The following SHPRH variants were observed in gnomAD, a reference collection of about 807,000 sequenced individuals.
SHPRH encodes E3 ubiquitin-protein ligase SHPRH.
Under a neutral mutation model 202.5 loss-of-function variants are expected in SHPRH, and 106 were observed. That is an observed-to-expected ratio of 0.52 (90% CI 0.45 to 0.62). SHPRH has a LOEUF of 0.62. Among genes scored for constraint, SHPRH ranks in the 20% least tolerant of loss-of-function variants. The pLI, the probability that SHPRH is intolerant of heterozygous loss-of-function variation, is 0.00. For missense variants in SHPRH, 1,710 were observed against 2,020.0 expected, an observed-to-expected ratio of 0.85 and a Z score of 2.94; for synonymous variants, 729 against 686.0, an observed-to-expected ratio of 1.06 and a Z score of -0.98.
Position 145,950,688 on chromosome 6 carries a change from C to T in SHPRH, c.764-206G>A, listed in dbSNP as rs538028582. Reference sequence around the variant, plus strand: ...AAGAAAGTTTAACTGATACTTTTTCCATGGCATTTTCTTTTGTTTTCCCTG... The same window carrying T: ...AAGAAAGTTTAACTGATACTTTTTCTATGGCATTTTCTTTTGTTTTCCCTG... On this transcript the variant is annotated intron_variant, in intron 3 of 29. Coordinates refer to ENST00000275233, the MANE Select transcript of SHPRH (RefSeq NM_001042683.3). Among the ~76,000 whole-genome samples, 18 of 152,114 alleles carry T rather than the reference C, an allele frequency of 1.2e-4. No individual in the cohort carries two copies. In the South Asian group the frequency reaches 3.7e-3, roughly 32 times the overall value.
the SHPRH span, among the ~76,000 whole-genome samples, chr6:145,858,386 TA>T: frequency 3.3e-5 from 5 of 151,250 alleles, no homozygotes; most frequent in African/African-American, 1.2e-4. Flanking sequence ...ATATAATTTT[TA>T]AAAAAGATTT....
chr6:145,935,462 A>G (rs2128768682), intron 11 of SHPRH, 21 bp from the exon 12 acceptor site: 3 of 1,611,416 alleles, frequency 1.9e-6, no homozygotes, highest in Non-Finnish European at 2.5e-6. Context: ...AAAATAAAAT[A>G]CATTGAGGAT....
At chr6:145,899,385 C>T (rs1322809931) in intron 25 of SHPRH, among the ~76,000 whole-genome samples, 1 of 152,010 alleles carries the variant, frequency 6.6e-6, no homozygotes, top group East Asian at 1.9e-4. Context: ...GAAATAAACC[C>T]ACACATACAC....
chr6:145,878,160 G>A (rs2253648), intron 2 of SHPRH: 72,024 of 152,012 alleles, frequency 0.47, 17,537 homozygotes, highest in African/African-American at 0.57. Flanking sequence ...TATTTTCTAC[G>A]AAAGTTTTAG....
intron 25 of SHPRH, chr6:145,909,650 A>T (rs1783307791): frequency 6.6e-6 from 1 of 152,148 alleles, no homozygotes; most frequent in African/African-American, 2.4e-5. Context: ...TTAATAAAGA[A>T]TACTTCATCT....
At chr6:145,867,865 G>A (rs1779871455) in intron 2 of SHPRH, among the ~76,000 whole-genome samples, 1 of 151,686 alleles carries the variant, frequency 6.6e-6, no homozygotes, top group Non-Finnish European at 1.5e-5. Context: ...TCAGTTCATG[G>A]AAATTTGTTA....
chr6:145,946,939 T>C (rs189657552), intron 6 of SHPRH, among the ~76,000 whole-genome samples: 2 of 152,082 alleles, frequency 1.3e-5, no homozygotes, highest in East Asian at 3.9e-4. Flanking sequence ...TACTAGAAAA[T>C]ATGAGCTATA....
In SHPRH at chr6:145,886,660, A is replaced by T. The variant is rs1781037261; in HGVS notation, c.*31T>A. 1.2e-6 allele frequency: 2 copies of T among 1,606,508 alleles called. No homozygotes were observed. The highest frequency in any genetic ancestry group is 1.7e-5 in the Admixed American group (1 of 57,984). ...TACAGCTATGAAAGTTTATTAATAC[A>T]CTAAAGTCCATGGAATGAATCAAGT... On this transcript the variant is annotated 3_prime_UTR_variant, in exon 30 of 30. Coordinates refer to ENST00000275233, the MANE Select transcript of SHPRH (RefSeq NM_001042683.3).
At chr6:145,884,637 A>AT (rs1416133835), downstream of SHPRH, 9 of 152,176 alleles carry the variant, frequency 5.9e-5, no homozygotes, top group Non-Finnish European at 8.8e-5. Flanking sequence ...TGAGGATCAG[A>AT]TTTGTACTTG....
At chr6:145,908,001 G>A (rs776881334) in intron 25 of SHPRH, 11 of 152,098 alleles carry the variant, frequency 7.2e-5, no homozygotes, top group East Asian at 3.9e-4. Context: ...TCCCACTTAC[G>A]AGTGAGAACA....
Position 145,950,263 on chromosome 6 carries a change from C to T in SHPRH, c.982+1G>A. 1 of 1,611,406 alleles carries T rather than the reference C, an allele frequency of 6.2e-7. No homozygotes were observed. Among genetic ancestry groups the T allele is most frequent in the Non-Finnish European group, 8.5e-7 (1 of 1,178,168 alleles). On this transcript the variant is annotated splice_donor_variant, in intron 4 of 29. Transcript: ENST00000275233. LOFTEE classifies it high-confidence loss of function. ...ACTTTCTTTAAACATCTTATTCTTA[C>T]CAGTAGCAGGACTGCTTCTGAAACA...
chr6:145,876,044 G>T (rs748129308), intron 2 of SHPRH, among the ~76,000 whole-genome samples: 14 of 152,198 alleles, frequency 9.2e-5, no homozygotes, highest in Non-Finnish European at 1.6e-4. Context: ...GCCATTTAAA[G>T]TGTACAAGTC....
chr6:145,950,002 G>C (rs1321373225), intron 4 of SHPRH, among the ~76,000 whole-genome samples: 1 of 151,860 alleles, frequency 6.6e-6, no homozygotes, highest in African/African-American at 2.4e-5. Flanking sequence ...AAAATTTCTT[G>C]GTTTTTAAAA....
chr6:145,875,387 T>C (rs1230771254), intron 2 of SHPRH, among the ~76,000 whole-genome samples: 1 of 152,186 alleles, frequency 6.6e-6, no homozygotes, highest in Admixed American at 6.5e-5. Context: ...CAATCACTAG[T>C]GCTGAGGTTG....
chr6:145,859,420 A>G (rs1200853543), downstream of SHPRH, among the ~76,000 whole-genome samples: 1 of 152,018 alleles, frequency 6.6e-6, no homozygotes, highest in Non-Finnish European at 1.5e-5. Context: ...GTTCAATTGC[A>G]CATTGAACTA....
exon 3 of SHPRH, chr6:145,864,454 T>C: frequency 3.0e-6 from 1 of 336,658 alleles, no homozygotes; most frequent in South Asian, 2.8e-5. Context: ...AATGGGGTGA[T>C]GTCATGAAAA....
chr6:145,926,474 T>A (rs1400770844), intron 15 of SHPRH, among the ~76,000 whole-genome samples, 178 bp from the exon 16 acceptor site: 1 of 152,008 alleles, frequency 6.6e-6, no homozygotes, highest in East Asian at 1.9e-4. Context: ...GGGCAGGGTG[T>A]TAAGGTCTAG....
intron 3 of SHPRH, 73 bp downstream of exon 3, chr6:145,952,274 TTA>T (rs1187220667): frequency 7.6e-7 from 1 of 1,313,376 alleles, no homozygotes; most frequent in Non-Finnish European, 1.0e-6. Context: ...TTTCTGATTG[TTA>T]TGTCCAGGGG....
At chr6:145,960,987 T>C (rs1053086958) in intron 1 of SHPRH, among the ~76,000 whole-genome samples, 3 of 151,848 alleles carry the variant, frequency 2.0e-5, no homozygotes, top group Admixed American at 1.3e-4. Context: ...CAGTTCACGA[T>C]AGCATTCATG....
Sources: gnomAD v4.1 joint callset for allele counts (sites outside exome capture counted in the v4.1 genomes callset) on GRCh38, gnomAD v4.1.1 for gene constraint, MANE v1.5 for transcripts, NCBI Gene and HGNC (gene_info 2026-07-23, HGNC 2026-07-21) for gene names.